DECR1: variants seen among roughly 807,000 people sequenced by gnomAD.
DECR1 encodes 2,4-dienoyl-CoA reductase 1.
A neutral mutation model predicts 38.8 loss-of-function variants in DECR1; 44 were observed. The ratio of observed to expected loss-of-function variants is 1.13; its 90% CI spans 0.89 to 1.46. The LOEUF (loss-of-function observed/expected upper bound fraction) is 1.46. DECR1 is among the 40% of genes most tolerant of loss of function. The pLI is 0.00. For missense variants in DECR1, 428 were observed against 405.5 expected (o/e 1.06, Z -0.48); for synonymous variants, 148 against 135.2 (o/e 1.09, Z -0.66).
intron 1 of DECR1, among the ~76,000 whole-genome samples, chr8:90,008,256 C>G: frequency 6.6e-6 from 1 of 152,214 alleles, no homozygotes; most frequent in East Asian, 1.9e-4. Context: ...AAAACTAGAA[C>G]TCAGTTACCT....
intron 1 of DECR1, among the ~76,000 whole-genome samples, chr8:90,003,451 C>T (rs978642246): frequency 2.6e-5 from 4 of 152,104 alleles, no homozygotes; most frequent in African/African-American, 7.2e-5. Context: ...TTAAAAAATA[C>T]GAGCCCTGCT....
chr8:90,038,241 A>C (rs534316654), intron 6 of DECR1, among the ~76,000 whole-genome samples: 65 of 152,020 alleles, frequency 4.3e-4, no homozygotes, highest in Non-Finnish European at 6.5e-4. Flanking sequence ...TACAGCTTTC[A>C]TATGTCTATG....
chr8:90,011,911 A>G (rs149847545), intron 1 of DECR1, among the ~76,000 whole-genome samples: 38 of 152,268 alleles, frequency 2.5e-4, no homozygotes, highest in African/African-American at 8.2e-4. Flanking sequence ...ATTCTTATCA[A>G]CAGATTGTAA....
rs185824829 is a variant in DECR1 at position 90,051,587 on chromosome 8, T to C, written c.886-90T>C. The stretch of plus-strand genomic sequence containing the variant: ...CTTGATTTAAAGTGCCAAAGAGATA[T>C]TCCATCCAATTAGTATGGGAAAATG... On this transcript the variant is annotated intron_variant, in intron 8 of 9. Transcript: ENST00000220764. 2.4e-5 allele frequency: 23 copies of C among 969,030 alleles called. No homozygotes were observed. The African/African-American group carries it at 3.6e-4, about 15-fold the overall frequency. 60.0% of individuals were successfully genotyped at this position (969,030 alleles called of 1,614,324 possible). A position where few individuals can be genotyped will look rare whatever the true frequency, so the allele number is the denominator to read the frequency against.
At chr8:90,015,105 A>T (rs970848256) in intron 1 of DECR1, among the ~76,000 whole-genome samples, 13 of 152,220 alleles carry the variant, frequency 8.5e-5, no homozygotes, top group East Asian at 1.9e-4. Context: ...GCTTGTAAAG[A>T]TCTAATCATA....
At chr8:90,021,694 T>A (rs1813168428) in intron 5 of DECR1, among the ~76,000 whole-genome samples, 1 of 152,172 alleles carries the variant, frequency 6.6e-6, no homozygotes, top group Non-Finnish European at 1.5e-5. Context: ...AGCAGGTGGC[T>A]AGATTGCATG....
chr8:90,018,163 C>T (rs879727594), intron 2 of DECR1, among the ~76,000 whole-genome samples: 7 of 152,260 alleles, frequency 4.6e-5, no homozygotes, highest in African/African-American at 9.6e-5. Flanking sequence ...GCTGGGATTA[C>T]AGGCGTGAGC....
intron 8 of DECR1, among the ~76,000 whole-genome samples, chr8:90,045,365 C>T (rs1813867828): frequency 1.3e-5 from 2 of 152,206 alleles, no homozygotes; most frequent in South Asian, 4.2e-4. Flanking sequence ...TAGCAAACGG[C>T]ACACCAGGAG....
At chr8:90,017,386 G>A (rs1813035273) in intron 2 of DECR1, 60 bp downstream of exon 2, 1 of 1,385,812 alleles carries the variant, frequency 7.2e-7, no homozygotes, top group South Asian at 1.3e-5. Context: ...CTGTGCCATA[G>A]TATTGAAAAC....
At chr8:90,007,556 G>A (rs570728881) in intron 1 of DECR1, among the ~76,000 whole-genome samples, 2 of 152,166 alleles carry the variant, frequency 1.3e-5, no homozygotes, top group South Asian at 4.1e-4. Context: ...GGCAGGTGGT[G>A]GGGGTGGGGT....
At position 90,049,255 on chromosome 8, in the gene DECR1, A is replaced by T. The variant is rs529258421; in HGVS notation, c.886-2422A>T. On this transcript the variant is annotated intron_variant, in intron 8 of 9. Transcript: ENST00000220764. ...GTCAAATTGTACCTGTTTGCAGATGACATGATTGTATATTTAGAAAACCCC... is the reference window on the plus strand; with the variant it reads ...GTCAAATTGTACCTGTTTGCAGATGTCATGATTGTATATTTAGAAAACCCC... Among the ~76,000 whole-genome samples the T allele has an allele frequency of 7.9e-5, 12 of 152,336 alleles. No individual in the cohort carries two copies. In the East Asian group the frequency reaches 2.3e-3, roughly 29 times the overall value.
chr8:90,024,857 G>A (rs558868627), intron 5 of DECR1, among the ~76,000 whole-genome samples: 20 of 152,074 alleles, frequency 1.3e-4, no homozygotes, highest in Non-Finnish European at 2.9e-4. Context: ...TTTTAGGTCT[G>A]ACATTTAAGT....
intron 1 of DECR1, among the ~76,000 whole-genome samples, chr8:90,010,803 A>C (rs763327127): frequency 6.6e-6 from 1 of 152,172 alleles, no homozygotes; most frequent in African/African-American, 2.4e-5. Context: ...TGTTTAATAT[A>C]GAGTAGTTAT....
At chr8:90,048,673 C>T (rs1813981434) in intron 8 of DECR1, among the ~76,000 whole-genome samples, 1 of 152,208 alleles carries the variant, frequency 6.6e-6, no homozygotes, top group Non-Finnish European at 1.5e-5. Flanking sequence ...GTAATCCTCC[C>T]TGACTCATTT....
At chr8:90,021,926 A>G (rs1813174329) in intron 5 of DECR1, among the ~76,000 whole-genome samples, 2 of 152,210 alleles carry the variant, frequency 1.3e-5, no homozygotes, top group Non-Finnish European at 2.9e-5. Flanking sequence ...GATAGCAAAC[A>G]TGTCTAATGT....
chr8:90,007,264 T>C (rs575789944), intron 1 of DECR1, among the ~76,000 whole-genome samples: 1 of 152,112 alleles, frequency 6.6e-6, no homozygotes. Context: ...CGTGAAGACA[T>C]ATGCTATGGG....
chr8:90,017,516 A>G (rs1813038606), intron 2 of DECR1, among the ~76,000 whole-genome samples, 190 bp downstream of exon 2: 1 of 152,256 alleles, frequency 6.6e-6, no homozygotes, highest in Admixed American at 6.5e-5. Flanking sequence ...GATGAAAGAA[A>G]CAATGAAAAT....
chr8:90,021,146 A>G, intron 5 of DECR1, 90 bp downstream of exon 5: 1 of 993,714 alleles, frequency 1.0e-6, no homozygotes, highest in Non-Finnish European at 1.4e-6. Context: ...AGTCAATGAG[A>G]CAGTCTACAC....
chr8:90,017,413 GTTTGATTAGCATCTTAATCTTAT>G (rs1813036272), intron 2 of DECR1, 87 bp downstream of exon 2: 2 of 922,954 alleles, frequency 2.2e-6, no homozygotes, highest in Non-Finnish European at 3.3e-6. Context: ...CGCCAGAGTT[GTTTGATTAGCATCTTAATCTTAT>G]ATGAAATACT....
Sources: gnomAD v4.1 joint callset for allele counts (sites outside exome capture counted in the v4.1 genomes callset) on GRCh38, gnomAD v4.1.1 for gene constraint, MANE v1.5 for transcripts, NCBI Gene and HGNC (gene_info 2026-07-23, HGNC 2026-07-21) for gene names.